The following PPEF2 variants were observed in gnomAD, a reference collection of about 807,000 sequenced individuals.
The protein encoded by PPEF2 is serine/threonine-protein phosphatase with EF-hands 2.
A neutral mutation model predicts 84.7 loss-of-function variants in PPEF2; 84 were observed. The observed-to-expected ratio is 0.99, with a 90% CI of 0.83 to 1.19. The LOEUF is 1.19. Ranked by LOEUF, PPEF2 falls within the 50% of genes most tolerant of loss-of-function variation. PPEF2 has a pLI of 0.00. For synonymous variants in PPEF2, 346 were observed against 345.2 expected, an observed-to-expected ratio of 1.00 and a Z score of -0.03; for missense variants, 924 against 937.5, an observed-to-expected ratio of 0.99 and a Z score of 0.19.
chr4:75,886,294 C>G (rs1724721387), intron 7 of PPEF2, among the ~76,000 whole-genome samples: 1 of 152,212 alleles, frequency 6.6e-6, no homozygotes, highest in Non-Finnish European at 1.5e-5. Context: ...CTCCTGCCAT[C>G]CCCGCCGGCC....
chr4:75,885,800 G>A (rs1182420905), intron 7 of PPEF2, among the ~76,000 whole-genome samples: 1 of 152,134 alleles, frequency 6.6e-6, no homozygotes, highest in African/African-American at 2.4e-5. Flanking sequence ...CATGAGGTCA[G>A]GAGTTCGAGA....
In PPEF2 at chr4:75,888,214, C is replaced by T. The variant is rs1724780776; in HGVS notation, c.532G>A (p.Gly178Arg). The part of the protein sequence containing the change: ...TCYSEEITVC[G>R]DLHGQLDDLI... Reference sequence around the variant, plus strand: ...AAAGCCGTTTCTGACCAGCTCTTACCACACACTGTGATCTCCTCACTGTAA... The same window carrying T: ...AAAGCCGTTTCTGACCAGCTCTTACTACACACTGTGATCTCCTCACTGTAA... The change falls in exon 6 of 17, where the codon GGA becomes AGA. Residue 178 changes from glycine to arginine, a missense_variant and splice_region_variant. By Grantham distance (125) the Gly-to-Arg change is moderately radical. Coordinates refer to ENST00000286719, the MANE Select transcript of PPEF2 (RefSeq NM_006239.3). The T allele has an allele frequency of 6.2e-7, 1 of 1,602,692 alleles. No homozygotes were observed. Among genetic ancestry groups the T allele is most frequent in the Non-Finnish European group, 8.5e-7 (1 of 1,169,706 alleles).
chr4:75,865,183 C>T lies in PPEF2; in HGVS notation c.1921-656G>A, dbSNP rs372740545. On this transcript the variant is annotated intron_variant, in intron 15 of 16. Transcript: ENST00000286719. ...AACTTCCGACCTCAGGTGATCTGCC[C>T]GCCTCGGTCTCCCAAAGTGCTGGGA... is the stretch of plus-strand genomic sequence containing the variant. Among the ~76,000 whole-genome samples, 9 of 152,182 alleles carry T rather than the reference C, an allele frequency of 5.9e-5. No homozygotes were observed. In the East Asian group the frequency reaches 9.7e-4, roughly 16 times the overall value.
chr4:75,900,600 C>T (rs1191813832), intron 1 of PPEF2, among the ~76,000 whole-genome samples: 3 of 152,074 alleles, frequency 2.0e-5, no homozygotes, highest in Non-Finnish European at 2.9e-5. Context: ...ATAATGGTAA[C>T]GTCATTACAG....
At chr4:75,880,804 C>CTT (rs34093421) in intron 10 of PPEF2, among the ~76,000 whole-genome samples, 10,246 of 54,302 alleles carry the variant, frequency 0.19, 1,324 homozygotes, top group African/African-American at 0.33. Flanking sequence ...CCTATAAATA[C>CTT]TTTTTTTTTT....
At chr4:75,869,080 G>A (rs1724204240) in intron 13 of PPEF2, among the ~76,000 whole-genome samples, 2 of 152,214 alleles carry the variant, frequency 1.3e-5, no homozygotes, top group Admixed American at 6.5e-5. Context: ...GTGAGCATAT[G>A]TGAATTTTTT....
chr4:75,885,430 A>C (rs1724695711), intron 7 of PPEF2, among the ~76,000 whole-genome samples: 1 of 152,216 alleles, frequency 6.6e-6, no homozygotes, highest in Non-Finnish European at 1.5e-5. Context: ...TACAGGCATG[A>C]GCCACTGCAC....
At position 75,860,903 on chromosome 4, in the gene PPEF2, C is replaced by T. The variant is rs138073376; in HGVS notation, c.2026G>A (p.Glu676Lys). ...SDHSGFISLDEFRQTWKLFSS... is the reference protein window; with the variant it reads ...SDHSGFISLDKFRQTWKLFSS... ...AACAGCTTCCAGGTCTGCCTGAACT[C>T]GTCCAGTGAGATGAACCCTTATCAG... Residue 676 changes from glutamate (E) to lysine (K), a missense_variant, in exon 17 of 17, where the codon GAG becomes AAG. Transcript: ENST00000286719. 444 of 1,614,090 alleles carry T rather than the reference C, an allele frequency of 2.8e-4. 2 individuals are homozygous for T. Among genetic ancestry groups the T allele is most frequent in the African/African-American group, 4.4e-4 (33 of 75,062 alleles).
At chr4:75,896,199 A>AC in intron 2 of PPEF2, 72 bp downstream of exon 2, 1 of 1,528,828 alleles carries the variant, frequency 6.5e-7, no homozygotes, top group Non-Finnish European at 9.1e-7. Context: ...TACCCTCAGA[A>AC]CCCCCAACCC....
intron 6 of PPEF2, 89 bp from the exon 7 acceptor site, chr4:75,886,987 A>G (rs1279625021): frequency 1.9e-5 from 13 of 676,464 alleles, no homozygotes; most frequent in Middle Eastern, 5.4e-4. Context: ...ACCCAGAAGA[A>G]TCTGACAGAA....
chr4:75,901,571 G>C (rs1300978144), intron 1 of PPEF2, among the ~76,000 whole-genome samples: 1 of 151,796 alleles, frequency 6.6e-6, no homozygotes, highest in Non-Finnish European at 1.5e-5. Flanking sequence ...TAATTCTCAA[G>C]GGAAAAACTA....
intron 16 of PPEF2, among the ~76,000 whole-genome samples, chr4:75,861,367 C>G (rs1430157293): frequency 6.6e-6 from 1 of 151,700 alleles, no homozygotes; most frequent in Non-Finnish European, 1.5e-5. Flanking sequence ...CCCCATACAT[C>G]TATAGTCAAT....
chr4:75,867,498 C>A, intron 13 of PPEF2, 79 bp from the exon 14 acceptor site: 1 of 1,073,418 alleles, frequency 9.3e-7, no homozygotes, highest in Non-Finnish European at 1.4e-6. Context: ...TATTTCCACT[C>A]TCTCTTTCTT....
At chr4:75,863,301 C>T (rs1724049156) in intron 16 of PPEF2, among the ~76,000 whole-genome samples, 1 of 148,076 alleles carries the variant, frequency 6.8e-6, no homozygotes, top group Non-Finnish European at 1.5e-5. Flanking sequence ...ACCATCCTGG[C>T]TAACATGGTG....
chr4:75,881,404 A>AAAT (rs1388859048), intron 10 of PPEF2: 1 of 151,954 alleles, frequency 6.6e-6, no homozygotes, highest in Non-Finnish European at 1.5e-5. Flanking sequence ...GGCCCTCTAC[A>AAAT]AATAATTTTT....
At chr4:75,870,872 A>T (rs1237389428) in intron 13 of PPEF2, among the ~76,000 whole-genome samples, 1 of 51,074 alleles carries the variant, frequency 2.0e-5, no homozygotes, top group Non-Finnish European at 4.5e-5. Context: ...TCATCTCAAA[A>T]GCTACCATTT....
At position 75,884,615 on chromosome 4, in the gene PPEF2, T is replaced by C; in HGVS notation, c.725A>G (p.Glu242Gly). 1 of 1,608,144 alleles carries C rather than the reference T, an allele frequency of 6.2e-7. No homozygotes were observed. Among genetic ancestry groups the C allele is most frequent in the Non-Finnish European group, 8.5e-7 (1 of 1,178,564 alleles). Reference sequence around the variant, plus strand: ...GTACCGTAAGTTCACCATATGGTCCTCATGGTTTCCTCTGTTAAGATGGAA... The same window carrying C: ...GTACCGTAAGTTCACCATATGGTCCCCATGGTTTCCTCTGTTAAGATGGAA... ...KEFHLNRGNH[E>G]DHMVNLRYGF... The change falls in exon 8 of 17, where the codon GAG becomes GGG. Residue 242 changes from glutamate to glycine, a missense_variant. Transcript: ENST00000286719.
chr4:75,867,223 G>T, intron 14 of PPEF2, 90 bp downstream of exon 14: 1 of 949,302 alleles, frequency 1.1e-6, no homozygotes, highest in Non-Finnish European at 1.6e-6. Context: ...ACTCATTAAA[G>T]CAACAAATAT....
At chr4:75,880,798 TA>T (rs1724549569) in intron 10 of PPEF2, among the ~76,000 whole-genome samples, 2 of 102,980 alleles carry the variant, frequency 1.9e-5, no homozygotes, top group South Asian at 7.8e-4. Context: ...CCCATCCCTA[TA>T]AATACTTTTT....
Sources: gnomAD v4.1 joint callset for allele counts (sites outside exome capture counted in the v4.1 genomes callset) on GRCh38, gnomAD v4.1.1 for gene constraint, MANE v1.5 for transcripts, NCBI Gene and HGNC (gene_info 2026-07-23, HGNC 2026-07-21) for gene names.